The following SORBS2 variants were observed in gnomAD, a reference collection of about 807,000 sequenced individuals.
The protein encoded by SORBS2 is sorbin and SH3 domain-containing protein 2.
A neutral mutation model predicts 97.7 loss-of-function variants in SORBS2; 46 were observed. That is an observed-to-expected ratio of 0.47 (90% confidence interval 0.37 to 0.60). The LOEUF (loss-of-function observed/expected upper bound fraction) is 0.60, where lower values mean the gene tolerates loss of function less well. Among genes scored for constraint, SORBS2 ranks in the 20% least tolerant of loss-of-function variants. SORBS2 has a pLI of 0.00. For synonymous variants in SORBS2, 476 were observed against 473.4 expected (o/e 1.01, Z -0.07); for missense variants, 1,316 against 1,282.3 (o/e 1.03, Z -0.40).
At chr4:185,588,040 C>A in intron 14 of SORBS2, 1 of 212,380 alleles carries the variant, frequency 4.7e-6, no homozygotes, top group Non-Finnish European at 9.5e-6. Context: ...GGGATCAAGG[C>A]GAGGCTGACA....
intron 1 of SORBS2, among the ~76,000 whole-genome samples, chr4:185,909,628 T>C (rs974570414): frequency 2.0e-5 from 3 of 152,174 alleles, no homozygotes; most frequent in Non-Finnish European, 4.4e-5. Context: ...ATCGCATAAA[T>C]GTAGCCAAAG....
intron 2 of SORBS2, 141 bp from the exon 11 acceptor site, chr4:185,651,969 T>C (rs1316161076): frequency 1.7e-6 from 1 of 605,326 alleles, no homozygotes. Flanking sequence ...TTCTTTCTTT[T>C]TTTCTTTTTT....
chr4:185,690,169 T>C (rs1277802132), intron 2 of SORBS2, among the ~76,000 whole-genome samples: 2 of 152,264 alleles, frequency 1.3e-5, no homozygotes, highest in African/African-American at 4.8e-5. Context: ...TCTGCTGACT[T>C]CTTCAACATA....
At chr4:185,799,664 G>A (rs2099121309) in intron 1 of SORBS2, among the ~76,000 whole-genome samples, 2 of 152,296 alleles carry the variant, frequency 1.3e-5, no homozygotes, top group Admixed American at 1.3e-4. Context: ...GAATTTGGAA[G>A]AGAGTCTTTC....
chr4:185,802,967 C>T (rs1161435453), intron 1 of SORBS2, among the ~76,000 whole-genome samples: 1 of 152,152 alleles, frequency 6.6e-6, no homozygotes, highest in Non-Finnish European at 1.5e-5. Context: ...CAATGCTTTG[C>T]TTTTGGTTGG....
chr4:185,712,551 G>A (rs540007304), intron 2 of SORBS2, among the ~76,000 whole-genome samples: 4 of 152,294 alleles, frequency 2.6e-5, no homozygotes, highest in East Asian at 1.9e-4. Context: ...TGCCTCATGC[G>A]AAAAGGCAGA....
exon 2 of SORBS2, chr4:185,652,704 A>T: frequency 6.2e-7 from 1 of 1,614,190 alleles, no homozygotes; most frequent in Non-Finnish European, 8.5e-7. Context: ...ATCGTCTTGT[A>T]CCAGTCCTTG....
intron 4 of SORBS2, among the ~76,000 whole-genome samples, chr4:185,634,281 G>C (rs1198214873): frequency 6.6e-6 from 1 of 152,126 alleles, no homozygotes; most frequent in Admixed American, 6.6e-5. Flanking sequence ...ACCACTATGT[G>C]TCAGTAGTAC....
intron 1 of SORBS2, among the ~76,000 whole-genome samples, chr4:185,797,650 C>T (rs1025242283): frequency 2.0e-5 from 3 of 152,166 alleles, no homozygotes; most frequent in Non-Finnish European, 2.9e-5. Context: ...TATCTCTTCC[C>T]CCTAAGTAGG....
At chr4:185,713,866 T>C (rs940281015) in intron 2 of SORBS2, among the ~76,000 whole-genome samples, 1 of 152,252 alleles carries the variant, frequency 6.6e-6, no homozygotes, top group African/African-American at 2.4e-5. Context: ...TTATTTGCCT[T>C]TGTCGTTTTG....
intron 2 of SORBS2, among the ~76,000 whole-genome samples, chr4:185,730,772 C>T (rs1281868692): frequency 3.9e-5 from 6 of 152,174 alleles, no homozygotes; most frequent in Admixed American, 6.5e-5. Context: ...CAGGTCCAGG[C>T]GTTAAATGCA....
exon 15 of SORBS2, chr4:185,586,748 T>TAACA (rs1390979141): frequency 6.6e-6 from 1 of 152,598 alleles, no homozygotes; most frequent in African/African-American, 2.4e-5. Context: ...CACCTCTCAC[T>TAACA]AACACTGCTT....
In SORBS2 at chr4:185,649,086, C is replaced by G. The variant is rs538432317; in HGVS notation, c.281+381G>C. Among the ~76,000 whole-genome samples the G allele has an allele frequency of 3.9e-5, 6 of 152,212 alleles. No homozygotes were observed. In the East Asian group the frequency reaches 1.2e-3, roughly 29 times the overall value. ...TCATTATGATTTTTGAATAACTTTCCCTGCTTTCAAAAATGTCTCTTATTA... is the reference window on the plus strand; with the variant it reads ...TCATTATGATTTTTGAATAACTTTCGCTGCTTTCAAAAATGTCTCTTATTA... On this transcript the variant is annotated intron_variant, in intron 3 of 14. Transcript: ENST00000418609.
intron 1 of SORBS2, among the ~76,000 whole-genome samples, chr4:185,791,204 G>A (rs527391196): frequency 6.6e-6 from 1 of 152,206 alleles, no homozygotes; most frequent in South Asian, 2.1e-4. Flanking sequence ...ACCATGCAAT[G>A]GTAAGTATAA....
intron 1 of SORBS2, among the ~76,000 whole-genome samples, chr4:185,892,207 C>T (rs1399051439): frequency 1.3e-5 from 2 of 152,134 alleles, no homozygotes; most frequent in Non-Finnish European, 2.9e-5. Flanking sequence ...ATTTCAATTG[C>T]TTTAAGAAAC....
At chr4:185,785,661 C>T (rs1369802718) in intron 1 of SORBS2, among the ~76,000 whole-genome samples, 1 of 152,184 alleles carries the variant, frequency 6.6e-6, no homozygotes, top group African/African-American at 2.4e-5. Flanking sequence ...GCCCTTGACT[C>T]ATAATTGTTG....
rs146760958 is a variant in SORBS2 at position 185,623,944 on chromosome 4, G to A, written c.1185C>T (p.Arg395=). 18 of 1,614,090 alleles carry A rather than the reference G, an allele frequency of 1.1e-5. No homozygotes were observed. The highest frequency in any genetic ancestry group is 1.5e-5 in the Non-Finnish European group (18 of 1,180,048). ...CCTCCGTGGAGCACTGGCTCCAGGC[G>A]CGCAGCAGGTCCTTGTGCTGCTGCT... Residue 395 remains arginine (R), a synonymous_variant, in exon 7 of 15, where the codon CGC becomes CGT. Transcript: ENST00000418609. This position sits in a 1 kb window ranked among gnomAD's most constrained non-coding sequence, Gnocchi z 6.4.
At chr4:185,911,196 T>A (rs116164443) in intron 1 of SORBS2, among the ~76,000 whole-genome samples, 2 of 152,160 alleles carry the variant, frequency 1.3e-5, no homozygotes, top group Admixed American at 1.3e-4. Context: ...ATATGTCTGA[T>A]AAAAACTGTC....
chr4:185,869,657 T>C (rs556637415), intron 1 of SORBS2, among the ~76,000 whole-genome samples: 1 of 152,362 alleles, frequency 6.6e-6, no homozygotes, highest in Admixed American at 6.5e-5. Context: ...GTGCATGTTG[T>C]CATTTCTGAT....
Sources: allele counts gnomAD v4.1 joint callset (sites outside exome capture counted in the v4.1 genomes callset), GRCh38; gene constraint gnomAD v4.1.1; non-coding constraint Gnocchi (gnomAD v3.1); transcripts MANE v1.5; gene names NCBI Gene and HGNC (gene_info 2026-07-23, HGNC 2026-07-21).